ARPP21: variants seen among roughly 807,000 people sequenced by gnomAD.
ARPP21 encodes cAMP-regulated phosphoprotein 21.
Under a neutral mutation model 113.2 loss-of-function variants are expected in ARPP21, and 69 were observed. The observed-to-expected ratio is 0.61, with a 90% CI of 0.50 to 0.74. ARPP21 has a LOEUF of 0.74. Among genes scored for constraint, ARPP21 ranks in the 30% least tolerant of loss-of-function variants. The pLI is 0.00. For missense variants in ARPP21, 1,070 were observed against 1,037.4 expected, an observed-to-expected ratio of 1.03 and a Z score of -0.43; for synonymous variants, 368 against 375.5, an observed-to-expected ratio of 0.98 and a Z score of 0.23.
chr3:35,716,069 A>C (rs1482472096), intron 12 of ARPP21, among the ~76,000 whole-genome samples: 2 of 152,220 alleles, frequency 1.3e-5, no homozygotes, highest in South Asian at 2.1e-4. Flanking sequence ...TGGGTTATAA[A>C]ATTTAAAGAA....
chr3:35,726,208 C>T (rs1258157055), intron 14 of ARPP21, among the ~76,000 whole-genome samples: 1 of 152,204 alleles, frequency 6.6e-6, no homozygotes, highest in East Asian at 1.9e-4. Context: ...ATACTTTTAA[C>T]TCTCAGCCAT....
Position 35,676,329 on chromosome 3 carries a change from C to G in ARPP21, c.-212-3458C>G, listed in dbSNP as rs2077466315. ...ATGTTGATCTTGGTTATGTTTGATC[C>G]AGGTTACTACACTTAAAAAAGAAAA... On this transcript the variant is annotated intron_variant, in intron 1 of 20. Transcript: ENST00000684406. Among the ~76,000 whole-genome samples, 3 of 135,294 alleles carry G rather than the reference C, an allele frequency of 2.2e-5. No homozygotes were observed. The South Asian group carries it at 7.3e-4, about 33-fold the overall frequency. 88.8% of individuals were successfully genotyped at this position (135,294 alleles called of 152,430 possible).
chr3:35,651,886 A>G (rs1702530542), intron 1 of ARPP21: 1 of 152,092 alleles, frequency 6.6e-6, no homozygotes, highest in Non-Finnish European at 1.5e-5. Flanking sequence ...TTGTTCAGGC[A>G]TAATTGGAAT....
rs572137993 is a variant in ARPP21, at chr3:35,665,509, G to A, written c.-212-14278G>A. On this transcript the variant is annotated intron_variant, in intron 1 of 20. Coordinates refer to ENST00000684406, the MANE Select transcript of ARPP21 (RefSeq NM_001385562.1). ...CCACACACATACATCCATGTATCTA[G>A]TTCTACATTGAAGTAGTTAATAGGT... Among the ~76,000 whole-genome samples, 132 of 152,256 alleles carry A rather than the reference G, an allele frequency of 8.7e-4. 1 individual carries two copies. The highest frequency in any genetic ancestry group is 2.3e-3 in the African/African-American group (96 of 41,560).
intron 11 of ARPP21, among the ~76,000 whole-genome samples, chr3:35,711,466 T>C (rs1182260052): frequency 6.6e-6 from 1 of 152,224 alleles, no homozygotes; most frequent in Non-Finnish European, 1.5e-5. Context: ...AGATATGCAA[T>C]CATACCACTG....
Position 35,679,777 on chromosome 3 carries a change from C to CT in ARPP21, c.-212-4dup, listed in dbSNP as rs1356995192. 1 of 152,200 alleles carries CT rather than the reference C, an allele frequency of 6.6e-6. No individual in the cohort carries two copies. Among genetic ancestry groups the CT allele is most frequent in the Non-Finnish European group, 1.5e-5 (1 of 67,876 alleles). The allele number at this position is 152,200 out of a possible 1,614,324, so 9.4% of individuals were successfully genotyped here. Reference sequence around the variant, plus strand: ...GCAATTATTATTATTTATTTTTCATCTTTTTTCAGGTTGACGATGTGTCAC... The same window carrying CT: ...GCAATTATTATTATTTATTTTTCATCTTTTTTTCAGGTTGACGATGTGTCAC... On this transcript the variant is annotated splice_polypyrimidine_tract_variant and intron_variant, in intron 1 of 20. Transcript: ENST00000684406.
At position 35,793,814 on chromosome 3, in the gene ARPP21, C is replaced by A. The variant is rs763705376; in HGVS notation, c.2400C>A (p.Tyr800Ter). The A allele has an allele frequency of 6.2e-7, 1 of 1,614,200 alleles. No homozygotes were observed. Among genetic ancestry groups the A allele is most frequent in the Non-Finnish European group, 8.5e-7 (1 of 1,180,034 alleles). The change falls in exon 21 of 21, where the codon TAC becomes TAA. Residue 800 changes from tyrosine (Y) to a stop codon, truncating the protein, a stop_gained. Coordinates refer to ENST00000684406, the MANE Select transcript of ARPP21 (RefSeq NM_001385562.1). LOFTEE classifies it high-confidence loss of function. ...TCCCAGCCACTGGAATGCCTGTTTA[C>A]TGTAATGTCACACCGCCCACCCCTC... ...GSLPATGMPV[Y>*]CNVTPPTPQN...
Position 35,682,926 on chromosome 3 carries a change from T to C in ARPP21, c.171+37T>C, listed in dbSNP as rs778170978. ...AACATTCTAGGTAGACCTGATATCA[T>C]GGGTATAAATTACATATTTTACATC... On this transcript the variant is annotated intron_variant, in intron 4 of 20. Transcript: ENST00000684406. The C allele has an allele frequency of 4.6e-6, 7 of 1,532,756 alleles. No individual in the cohort carries two copies. The African/African-American group carries it at 9.8e-5, about 21-fold the overall frequency. The allele number at this position is 1,532,756 out of a possible 1,614,324, so 94.9% of individuals were successfully genotyped here. A position where few individuals can be genotyped will look rare whatever the true frequency, so the allele number is the denominator to read the frequency against.
chr3:35,706,851 T>C, intron 9 of ARPP21, 123 bp from the exon 10 acceptor site: 1 of 653,718 alleles, frequency 1.5e-6, no homozygotes, highest in Non-Finnish European at 2.6e-6. Flanking sequence ...CCAGCAACTC[T>C]AGTATGAAAA....
intron 5 of ARPP21, chr3:35,684,854 A>T: frequency 3.0e-6 from 3 of 984,340 alleles, no homozygotes; most frequent in Non-Finnish European, 2.4e-6. Flanking sequence ...TAAGGCATGG[A>T]CAGGCTATCT....
rs2093789299 is a variant in ARPP21 at position 35,729,481 on chromosome 3, A to C, written c.1404A>C (p.Pro468=). Residue 468 remains proline (P), a synonymous_variant, in exon 15 of 21, where the codon CCA becomes CCC. Transcript: ENST00000684406. ...GCAGCACCAGCTACATCCTCCTTCC[A>C]CTTGAAGCTGCAACAGGCATCCCGC... ...APSSTSYILL[P]LEAATGIPPG... 2 of 1,614,072 alleles carry C rather than the reference A, an allele frequency of 1.2e-6. No homozygotes were observed. The highest frequency in any genetic ancestry group is 1.1e-5 in the South Asian group (1 of 91,094).
intron 1 of ARPP21, among the ~76,000 whole-genome samples, chr3:35,642,906 G>C (rs1698666247): frequency 6.6e-6 from 1 of 152,050 alleles, no homozygotes; most frequent in South Asian, 2.1e-4. Flanking sequence ...TTAGAATTAA[G>C]ATAAGCCCTA....
chr3:35,793,871 C>T lies in ARPP21; in HGVS notation c.2457C>T (p.Cys819=). 6.2e-7 allele frequency: 1 copy of T among 1,614,140 alleles called. No individual in the cohort carries two copies. Among genetic ancestry groups the T allele is most frequent in the African/African-American group, 1.3e-5 (1 of 75,056 alleles). The change falls in exon 21 of 21, where the codon TGC becomes TGT. Residue 819 remains cysteine, a synonymous_variant. Transcript: ENST00000684406. ...QNNLRLIGPH[C]PSSTVPVMSA... ...ACCTTAGGCTGATTGGCCCACACTGCCCCTCCAGCACTGTCCCAGTGATGT... is the reference window on the plus strand; with the variant it reads ...ACCTTAGGCTGATTGGCCCACACTGTCCCTCCAGCACTGTCCCAGTGATGT...
chr3:35,654,961 T>C (rs1230461473), intron 1 of ARPP21, among the ~76,000 whole-genome samples: 1 of 152,022 alleles, frequency 6.6e-6, no homozygotes, highest in Non-Finnish European at 1.5e-5. Context: ...AAAATAATTT[T>C]CTTTGTTTTC....
At chr3:35,709,124 G>C (rs1164152358) in intron 11 of ARPP21, 54 bp downstream of exon 11, 1 of 1,229,604 alleles carries the variant, frequency 8.1e-7, no homozygotes, top group Non-Finnish European at 1.2e-6. Flanking sequence ...CAGCAGTAAG[G>C]CTTCCTCATT....
rs76186559 is a variant in ARPP21, at chr3:35,736,393, A to G, written c.1460-785A>G. Reference sequence around the variant, plus strand: ...CTTCATTTTCTCTTCTGAAAAACAGAGAAATGATACCTTTCTTCCTCACAG... The same window carrying G: ...CTTCATTTTCTCTTCTGAAAAACAGGGAAATGATACCTTTCTTCCTCACAG... On this transcript the variant is annotated intron_variant, in intron 15 of 20. Transcript: ENST00000684406. 3.2e-3 allele frequency among the ~76,000 whole-genome samples: 491 copies of G among 152,326 alleles called. 6 individuals carry two copies. The highest frequency in any genetic ancestry group is 0.011 in the African/African-American group (454 of 41,562).
intron 20 of ARPP21, among the ~76,000 whole-genome samples, chr3:35,793,305 A>G (rs997392683): frequency 6.6e-6 from 1 of 152,210 alleles, no homozygotes. Flanking sequence ...GCATAAAATC[A>G]GAAAGGGAAC....
intron 15 of ARPP21, among the ~76,000 whole-genome samples, chr3:35,736,784 C>T (rs1043218886): frequency 6.6e-6 from 1 of 152,184 alleles, no homozygotes; most frequent in African/African-American, 2.4e-5. Context: ...AGGTGTGTAA[C>T]TGGAAAGCAG....
Position 35,691,007 on chromosome 3 carries a change from T to A in ARPP21, c.686+2T>A. ...CAACAAGACCAGCAGCACCAGAATG[T>A]AAGCCCCATCACTGTACTTATTTAG... On this transcript the variant is annotated splice_donor_variant, in intron 9 of 20. Coordinates refer to ENST00000684406, the MANE Select transcript of ARPP21 (RefSeq NM_001385562.1). LOFTEE classifies it high-confidence loss of function. 6.2e-7 allele frequency: 1 copy of A among 1,609,090 alleles called. No homozygotes were observed. The highest frequency in any genetic ancestry group is 8.5e-7 in the Non-Finnish European group (1 of 1,177,156).
Sources: allele counts gnomAD v4.1 joint callset (sites outside exome capture counted in the v4.1 genomes callset), GRCh38; gene constraint gnomAD v4.1.1; transcripts MANE v1.5; gene names NCBI Gene and HGNC (gene_info 2026-07-23, HGNC 2026-07-21).